TRIM33: variants seen among roughly 807,000 people sequenced by gnomAD.
TRIM33 encodes E3 ubiquitin-protein ligase TRIM33.
Under a neutral mutation model 125.4 loss-of-function variants are expected in TRIM33, and 20 were observed. The ratio of observed to expected loss-of-function variants is 0.16; its 90% CI spans 0.11 to 0.23. The LOEUF (loss-of-function observed/expected upper bound fraction) is 0.23. Among genes scored for constraint, TRIM33 ranks in the 10% least tolerant of loss-of-function variants. The pLI is 1.00. For synonymous variants in TRIM33, 564 were observed against 513.9 expected (o/e 1.10, Z -1.32); for missense variants, 920 against 1,411.4 (o/e 0.65, Z 5.58).
At chr1:114,497,852 G>C (rs12738375) in intron 1 of TRIM33, among the ~76,000 whole-genome samples, 1 of 149,652 alleles carries the variant, frequency 6.7e-6, no homozygotes, top group African/African-American at 2.5e-5. Flanking sequence ...ATTGCTCGAG[G>C]AAGCCTATGA....
At chr1:114,427,525 T>C (rs1276603093) in intron 7 of TRIM33, among the ~76,000 whole-genome samples, 1 of 152,204 alleles carries the variant, frequency 6.6e-6, no homozygotes, top group African/African-American at 2.4e-5. Context: ...GTACATACTA[T>C]ATAATTCCAC....
At chr1:114,480,563 A>C (rs12078204) in intron 1 of TRIM33, among the ~76,000 whole-genome samples, 51,101 of 147,156 alleles carry the variant, frequency 0.35, 9,692 homozygotes, top group African/African-American at 0.46. Flanking sequence ...GCAAGAGTTA[A>C]AACTAAAACA....
chr1:114,443,069 T>C (rs1648751911), intron 4 of TRIM33, among the ~76,000 whole-genome samples: 1 of 150,298 alleles, frequency 6.7e-6, no homozygotes, highest in South Asian at 2.1e-4. Context: ...TCTTCCTCTC[T>C]CCCTTTTTTT....
intron 1 of TRIM33, among the ~76,000 whole-genome samples, chr1:114,482,265 A>G (rs1376627117): frequency 1.3e-5 from 2 of 152,162 alleles, no homozygotes; most frequent in African/African-American, 2.4e-5. Context: ...TCAAAGACAT[A>G]TATTAGAAAG....
rs565522198 is a variant in TRIM33 at position 114,460,687 on chromosome 1, C to T, written c.923+2417G>A. ...CCTGATGTTAGCCAATAAATTATTTCTCTATTGTTCTGCCCTTCTCCAGCC... is the reference window on the plus strand; with the variant it reads ...CCTGATGTTAGCCAATAAATTATTTTTCTATTGTTCTGCCCTTCTCCAGCC... On this transcript the variant is annotated intron_variant, in intron 4 of 19. Coordinates refer to ENST00000358465, the MANE Select transcript of TRIM33 (RefSeq NM_015906.4). 1.1e-4 allele frequency among the ~76,000 whole-genome samples: 16 copies of T among 140,400 alleles called. No individual in the cohort carries two copies. In the East Asian group the frequency reaches 3.5e-3, roughly 31 times the overall value. 92.1% of individuals were successfully genotyped at this position (140,400 alleles called of 152,430 possible). A position where few individuals can be genotyped will look rare whatever the true frequency, so the allele number is the denominator to read the frequency against.
In TRIM33 at chr1:114,392,937, TGAAAA is replaced by T. The variant is rs1557834584; in HGVS notation, c.*4706_*4710del. 1 of 197,542 alleles carries T rather than the reference TGAAAA, an allele frequency of 5.1e-6. No individual in the cohort carries two copies. Among genetic ancestry groups the T allele is most frequent in the African/African-American group, 2.3e-5 (1 of 43,374 alleles). 12.2% of individuals were successfully genotyped at this position (197,542 alleles called of 1,614,324 possible). A position where few individuals can be genotyped will look rare whatever the true frequency, so the allele number is the denominator to read the frequency against. On this transcript the variant is annotated 3_prime_UTR_variant, in exon 20 of 20. Transcript: ENST00000358465. Reference sequence around the variant, plus strand: ...AGGCAGCTAATGTATTAAATAACCATGAAAAGAAAAAACTTGCTTTTATTACACAC... The same window carrying T: ...AGGCAGCTAATGTATTAAATAACCATGAAAAAACTTGCTTTTATTACACAC...
chr1:114,445,460 T>G (rs1648919385), intron 4 of TRIM33, among the ~76,000 whole-genome samples: 1 of 152,086 alleles, frequency 6.6e-6, no homozygotes, highest in Non-Finnish European at 1.5e-5. Flanking sequence ...AGGCTGGTCT[T>G]GAACCCCTGG....
At chr1:114,400,635 T>C (rs1265011166) in intron 17 of TRIM33, among the ~76,000 whole-genome samples, 2 of 152,268 alleles carry the variant, frequency 1.3e-5, no homozygotes, top group African/African-American at 2.4e-5. Context: ...ATCTTCCTTC[T>C]GTCTATACCT....
At chr1:114,427,933 GAAA>G in intron 6 of TRIM33, 39 bp from the exon 7 acceptor site, 1 of 1,597,712 alleles carries the variant, frequency 6.3e-7, no homozygotes, top group Non-Finnish European at 8.5e-7. Context: ...AATTCCATAT[GAAA>G]AAAAATCAAC....
At chr1:114,401,910 A>G (rs1310836887) in intron 16 of TRIM33, among the ~76,000 whole-genome samples, 2 of 152,230 alleles carry the variant, frequency 1.3e-5, no homozygotes, top group African/African-American at 4.8e-5. Context: ...GTCTAACTCC[A>G]AAAATATTTT....
intron 13 of TRIM33, among the ~76,000 whole-genome samples, chr1:114,407,395 T>C (rs1652317155): frequency 6.6e-6 from 1 of 152,100 alleles, no homozygotes; most frequent in Admixed American, 6.6e-5. Flanking sequence ...CTCTGTCCAC[T>C]GAAAAGGCCT....
Position 114,433,671 on chromosome 1 carries a change from T to G in TRIM33, c.986A>C (p.Lys329Thr). The stretch of plus-strand genomic sequence containing the variant: ...AACATAATTCTTCTTCTCAAGAAGT[T>G]TCGCCAGTAGATTCTCAATTGCACC... Reference protein sequence around the residue: ...QKGAIENLLAKLLEKKNYVHF... With the variant: ...QKGAIENLLATLLEKKNYVHF... Residue 329 changes from lysine to threonine, a missense_variant, in exon 5 of 20, where the codon AAA (lysine) becomes ACA (threonine). By Grantham distance (78) the Lys-to-Thr change is moderately conservative (BLOSUM62 -1). Around this residue, in one of 8 missense-constraint regions of TRIM33, gnomAD observed 50 missense variants for 110.8 expected, o/e 0.45. Coordinates refer to ENST00000358465, the MANE Select transcript of TRIM33 (RefSeq NM_015906.4). The G allele has an allele frequency of 6.2e-7, 1 of 1,612,862 alleles. No homozygotes were observed. Among genetic ancestry groups the G allele is most frequent in the Non-Finnish European group, 8.5e-7 (1 of 1,179,444 alleles).
chr1:114,401,842 T>A (rs1651914067), intron 16 of TRIM33, among the ~76,000 whole-genome samples: 1 of 152,202 alleles, frequency 6.6e-6, no homozygotes, highest in Non-Finnish European at 1.5e-5. Flanking sequence ...TGTTGAAAGT[T>A]ATCATCCCCT....
intron 10 of TRIM33, among the ~76,000 whole-genome samples, chr1:114,423,546 G>A (rs903120428): frequency 1.3e-5 from 2 of 151,616 alleles, no homozygotes; most frequent in Non-Finnish European, 2.9e-5. Flanking sequence ...AAATGTGAGC[G>A]AGTATATATT....
At chr1:114,417,314 T>C (rs562750109) in intron 11 of TRIM33, among the ~76,000 whole-genome samples, 1 of 152,326 alleles carries the variant, frequency 6.6e-6, no homozygotes, top group Admixed American at 6.5e-5. Context: ...GCCACTGAAC[T>C]GTACATTTTT....
chr1:114,404,084 TAGAG>T (rs1359623081), intron 15 of TRIM33, among the ~76,000 whole-genome samples: 1 of 152,192 alleles, frequency 6.6e-6, no homozygotes, highest in Non-Finnish European at 1.5e-5. Context: ...TGGAGATATA[TAGAG>T]AGATATATAC....
rs977718358 is a variant in TRIM33, at chr1:114,397,449, T to C, written c.*199A>G. 1.8e-6 allele frequency: 1 copy of C among 560,006 alleles called. No homozygotes were observed. Among genetic ancestry groups the C allele is most frequent in the Non-Finnish European group, 3.1e-6 (1 of 317,958 alleles). The allele number at this position is 560,006 out of a possible 1,614,324, so 34.7% of individuals were successfully genotyped here. A position where few individuals can be genotyped will look rare whatever the true frequency, so the allele number is the denominator to read the frequency against. Reference sequence around the variant, plus strand: ...GCTTTGAAACTTGCAAACAGACTTCTCTCCCCCTTTCTTGACAAGAATGTG... The same window carrying C: ...GCTTTGAAACTTGCAAACAGACTTCCCTCCCCCTTTCTTGACAAGAATGTG... On this transcript the variant is annotated 3_prime_UTR_variant, in exon 20 of 20. Coordinates refer to ENST00000358465, the MANE Select transcript of TRIM33 (RefSeq NM_015906.4).
At chr1:114,509,970 T>C (rs868154942) in intron 1 of TRIM33, among the ~76,000 whole-genome samples, 4 of 152,182 alleles carry the variant, frequency 2.6e-5, no homozygotes, top group South Asian at 2.1e-4. Flanking sequence ...TCCCTAACCA[T>C]GCAGTCCACT....
intron 4 of TRIM33, among the ~76,000 whole-genome samples, chr1:114,435,672 G>C (rs185256932): frequency 6.6e-6 from 1 of 152,142 alleles, no homozygotes; most frequent in Non-Finnish European, 1.5e-5. Flanking sequence ...TTCTGTTATA[G>C]AAAACTGCTG....
Sources: gnomAD v4.1 joint callset for allele counts (sites outside exome capture counted in the v4.1 genomes callset) on GRCh38, gnomAD v4.1.1 for gene constraint, gnomAD v4.1.1 regional missense constraint, MANE v1.5 for transcripts, NCBI Gene and HGNC (gene_info 2026-07-23, HGNC 2026-07-21) for gene names.